The following DLG2 variants were observed in gnomAD, a reference collection of about 807,000 sequenced individuals.
DLG2 encodes discs large MAGUK scaffold protein 2.
DLG2 carries 45 observed loss-of-function variants against 132.5 expected under a neutral mutation model. The observed-to-expected ratio is 0.34, with a 90% CI of 0.27 to 0.44. DLG2 has a LOEUF of 0.44. Among genes scored for constraint, DLG2 ranks in the 20% least tolerant of loss-of-function variants. The pLI is 1.00. For missense variants in DLG2, 1,045 were observed against 1,196.9 expected (o/e 0.87, Z 1.87); for synonymous variants, 424 against 419.6 (o/e 1.01, Z -0.13).
intron 7 of DLG2, among the ~76,000 whole-genome samples, chr11:84,454,277 A>G (rs920653024): frequency 3.3e-5 from 5 of 151,576 alleles, no homozygotes; most frequent in African/African-American, 9.7e-5. Flanking sequence ...ATTCTCATGG[A>G]AGGAATGACT....
intron 7 of DLG2, among the ~76,000 whole-genome samples, chr11:84,415,451 A>G (rs1170013489): frequency 3.3e-5 from 5 of 152,196 alleles, no homozygotes; most frequent in African/African-American, 2.4e-5. Context: ...TTCATCTTAT[A>G]TAATCTTCAT....
chr11:84,411,852 T>C (rs12420987), intron 7 of DLG2, among the ~76,000 whole-genome samples: 4,900 of 152,310 alleles, frequency 0.032, 143 homozygotes, highest in South Asian at 0.16. Context: ...GAACAAACCA[T>C]AGACTGACTT....
chr11:84,905,700 A>G (rs975334809), intron 6 of DLG2, among the ~76,000 whole-genome samples: 1 of 150,538 alleles, frequency 6.6e-6, no homozygotes, highest in African/African-American at 2.4e-5. Context: ...GCTGACTTCT[A>G]TAATAATCCA....
chr11:83,919,437 G>T lies in DLG2; in HGVS notation c.1496+10891C>A, dbSNP rs145975210. Among the ~76,000 whole-genome samples the T allele has an allele frequency of 1.2e-4, 19 of 152,174 alleles. No homozygotes were observed. The East Asian group carries it at 3.5e-3, about 28-fold the overall frequency. ...ATATATAGCTATGGAAAAAAATCAG[G>T]CTGGATCCAAAATAAATAAGGCAGA... On this transcript the variant is annotated intron_variant, in intron 15 of 27. Transcript: ENST00000376104.
intron 12 of DLG2, among the ~76,000 whole-genome samples, chr11:83,974,309 A>C (rs1342089668): frequency 1.3e-5 from 2 of 152,066 alleles, no homozygotes; most frequent in African/African-American, 4.8e-5. Context: ...CAGTCATCAC[A>C]ACTAATACTC....
chr11:83,760,653 GC>G (rs2093863706), intron 18 of DLG2, among the ~76,000 whole-genome samples: 1 of 151,938 alleles, frequency 6.6e-6, no homozygotes, highest in Admixed American at 6.6e-5. Flanking sequence ...ACTGCTCCTG[GC>G]CCACCATCTC....
intron 22 of DLG2, among the ~76,000 whole-genome samples, chr11:83,478,390 A>C (rs2092799687): frequency 6.6e-6 from 1 of 152,116 alleles, no homozygotes. Context: ...CATAGAATCC[A>C]GTTCCAACTC....
At chr11:85,609,739 C>A (rs965873631) in intron 2 of DLG2, among the ~76,000 whole-genome samples, 1 of 152,130 alleles carries the variant, frequency 6.6e-6, no homozygotes, top group Non-Finnish European at 1.5e-5. Flanking sequence ...GCCCCGGATA[C>A]GTTTAACCAT....
At chr11:84,708,364 AC>A (rs1792674725) in intron 6 of DLG2, among the ~76,000 whole-genome samples, 1 of 151,894 alleles carries the variant, frequency 6.6e-6, no homozygotes, top group African/African-American at 2.4e-5. Flanking sequence ...TAAAATCATT[AC>A]AAAGAGATAA....
chr11:85,530,014 A>C (rs1213269895), intron 3 of DLG2, among the ~76,000 whole-genome samples: 1 of 57,764 alleles, frequency 1.7e-5, no homozygotes, highest in Non-Finnish European at 3.3e-5. Flanking sequence ...TTTGAGGTGG[A>C]GTTTGGAGTT....
At chr11:84,733,911 T>G (rs1485917889) in intron 6 of DLG2, among the ~76,000 whole-genome samples, 1 of 152,194 alleles carries the variant, frequency 6.6e-6, no homozygotes, top group African/African-American at 2.4e-5. Flanking sequence ...TCCCCATTTC[T>G]TGTTTTTGTC....
intron 19 of DLG2, among the ~76,000 whole-genome samples, chr11:83,551,333 A>G (rs658438): frequency 0.63 from 96,005 of 152,022 alleles, 30,472 homozygotes; most frequent in African/African-American, 0.67. Context: ...GCTATCCAGT[A>G]GCACTCTTTT....
chr11:84,003,123 T>G (rs769190355), intron 11 of DLG2, among the ~76,000 whole-genome samples: 15 of 152,148 alleles, frequency 9.9e-5, no homozygotes, highest in Non-Finnish European at 1.9e-4. Context: ...TGCTAAAGCA[T>G]AGCAAGAGTC....
chr11:85,065,781 A>T (rs1198901798), intron 6 of DLG2, among the ~76,000 whole-genome samples: 3 of 151,170 alleles, frequency 2.0e-5, no homozygotes. Flanking sequence ...AAAAATAGAG[A>T]TAAAATATAC....
chr11:84,777,271 ATG>A (rs1168148650), intron 6 of DLG2, among the ~76,000 whole-genome samples: 13 of 117,992 alleles, frequency 1.1e-4, no homozygotes, highest in East Asian at 8.1e-4. Context: ...GTGTATGTAT[ATG>A]TGTGTGTGTA....
intron 3 of DLG2, among the ~76,000 whole-genome samples, chr11:85,348,897 ATTCT>A (rs1316702711): frequency 6.6e-6 from 1 of 152,176 alleles, no homozygotes; most frequent in Non-Finnish European, 1.5e-5. Flanking sequence ...TGCTGACAGT[ATTCT>A]TTCTAACATG....
chr11:83,895,864 G>C (rs1001826659), intron 15 of DLG2, among the ~76,000 whole-genome samples: 4 of 152,170 alleles, frequency 2.6e-5, no homozygotes, highest in African/African-American at 9.7e-5. Flanking sequence ...CCTGAAGGCT[G>C]CAACCATAAC....
chr11:85,415,336 T>G (rs2089732582), intron 3 of DLG2, among the ~76,000 whole-genome samples: 1 of 152,218 alleles, frequency 6.6e-6, no homozygotes, highest in Non-Finnish European at 1.5e-5. Context: ...GCATGTGTCT[T>G]TATAGTAGAA....
At chr11:84,829,825 C>A (rs1012126946) in intron 6 of DLG2, among the ~76,000 whole-genome samples, 6 of 151,550 alleles carry the variant, frequency 4.0e-5, no homozygotes, top group African/African-American at 1.5e-4. Context: ...ATCACATTTT[C>A]TGCAGTAAAA....
Sources: gnomAD v4.1 joint callset for allele counts (sites outside exome capture counted in the v4.1 genomes callset) on GRCh38, gnomAD v4.1.1 for gene constraint, MANE v1.5 for transcripts, NCBI Gene and HGNC (gene_info 2026-07-23, HGNC 2026-07-21) for gene names.